AGBL1: variants seen among roughly 807,000 people sequenced by gnomAD.
AGBL1 encodes the protein cytosolic carboxypeptidase 4.
In AGBL1, 130 loss-of-function variants were observed where a neutral mutation model predicts 118.9. That is an observed-to-expected ratio of 1.09 (90% CI 0.95 to 1.26). The LOEUF is 1.26. Ranked by LOEUF, AGBL1 falls within the 50% of genes most tolerant of loss-of-function variation. AGBL1 has a pLI of 0.00. For synonymous variants in AGBL1, 555 were observed against 478.9 expected, an observed-to-expected ratio of 1.16 and a Z score of -2.08; for missense variants, 1,584 against 1,298.1, an observed-to-expected ratio of 1.22 and a Z score of -3.38.
intron 5 of AGBL1, among the ~76,000 whole-genome samples, chr15:86,216,311 A>G (rs1392200379): frequency 2.0e-5 from 3 of 152,140 alleles, no homozygotes; most frequent in South Asian, 2.1e-4. Flanking sequence ...AAGCAGAGGT[A>G]GCAGAATATG....
chr15:86,379,744 C>T (rs890526233), intron 17 of AGBL1, among the ~76,000 whole-genome samples: 3 of 152,158 alleles, frequency 2.0e-5, no homozygotes, highest in African/African-American at 7.2e-5. Flanking sequence ...CCAAGTCCAG[C>T]CTGCTCACTG....
At chr15:86,476,342 A>C (rs1485769017) in intron 18 of AGBL1, among the ~76,000 whole-genome samples, 3 of 152,184 alleles carry the variant, frequency 2.0e-5, no homozygotes, top group East Asian at 3.8e-4. Context: ...ACCCATCTCA[A>C]GTGCAGAGAC....
At chr15:86,334,407 A>G (rs907327605) in intron 17 of AGBL1, among the ~76,000 whole-genome samples, 4 of 152,136 alleles carry the variant, frequency 2.6e-5, no homozygotes, top group African/African-American at 9.7e-5. Flanking sequence ...CAAGAACACA[A>G]TCCAATTTAA....
At chr15:86,396,830 C>T (rs1370961211) in intron 17 of AGBL1, among the ~76,000 whole-genome samples, 1 of 152,120 alleles carries the variant, frequency 6.6e-6, no homozygotes, top group East Asian at 1.9e-4. Context: ...TGCCTGAGAT[C>T]CCAGAGGTAG....
intron 6 of AGBL1, among the ~76,000 whole-genome samples, chr15:86,245,487 AG>A (rs2078705459): frequency 6.6e-6 from 1 of 152,202 alleles, no homozygotes; most frequent in Non-Finnish European, 1.5e-5. Context: ...CCTAGTCCCT[AG>A]GAGCCAAGAG....
At chr15:86,756,445 A>G (rs2077941813) in intron 22 of AGBL1, among the ~76,000 whole-genome samples, 3 of 150,050 alleles carry the variant, frequency 2.0e-5, no homozygotes, top group Admixed American at 2.0e-4. Flanking sequence ...TTGGCTCCTG[A>G]CTAAGTAAGA....
chr15:86,841,955 T>C (rs890998297), intron 22 of AGBL1, among the ~76,000 whole-genome samples: 2 of 152,216 alleles, frequency 1.3e-5, no homozygotes, highest in Non-Finnish European at 2.9e-5. Flanking sequence ...TCAGACTACA[T>C]TTCTTCATCT....
At chr15:86,426,813 C>T (rs1284311454) in intron 18 of AGBL1, among the ~76,000 whole-genome samples, 1 of 152,180 alleles carries the variant, frequency 6.6e-6, no homozygotes, top group African/African-American at 2.4e-5. Flanking sequence ...GTCACCCAGG[C>T]TGGAGTGCAA....
At chr15:86,378,115 T>A (rs554456015) in intron 17 of AGBL1, among the ~76,000 whole-genome samples, 1 of 152,148 alleles carries the variant, frequency 6.6e-6, no homozygotes, top group Non-Finnish European at 1.5e-5. Context: ...TGTGTACATA[T>A]GTATGTATAA....
intron 22 of AGBL1, among the ~76,000 whole-genome samples, chr15:86,817,663 A>T (rs1035637375): frequency 3.3e-5 from 5 of 151,738 alleles, no homozygotes; most frequent in African/African-American, 1.2e-4. Context: ...ACACACACAC[A>T]CACAGAAAGA....
intron 22 of AGBL1, among the ~76,000 whole-genome samples, chr15:86,824,637 G>A (rs923794631): frequency 6.6e-6 from 1 of 151,366 alleles, no homozygotes; most frequent in Non-Finnish European, 1.5e-5. Flanking sequence ...AAACAATTTT[G>A]ACCAAAAAAT....
Position 86,964,391 on chromosome 15 carries a change from C to T in AGBL1, c.3222-23596C>T, listed in dbSNP as rs1220743923. Among the ~76,000 whole-genome samples the T allele has an allele frequency of 2.6e-5, 4 of 151,904 alleles. No homozygotes were observed. The East Asian group carries it at 7.8e-4, about 30-fold the overall frequency. ...TGCTACCCACTAGATGTCAGAAGCA[C>T]ATTACCCACCACTACCCCCACTGTG... On this transcript the variant is annotated intron_variant, in intron 23 of 24. Coordinates refer to the AGBL1 transcript ENST00000441037.
At chr15:86,949,414 G>A (rs554929901) in intron 23 of AGBL1, among the ~76,000 whole-genome samples, 203 of 152,108 alleles carry the variant, frequency 1.3e-3, no homozygotes, top group African/African-American at 4.5e-3. Flanking sequence ...CAAACTTTTG[G>A]AGCCAATTCA....
At chr15:86,595,077 T>G (rs1290693220) in intron 21 of AGBL1, among the ~76,000 whole-genome samples, 1 of 152,214 alleles carries the variant, frequency 6.6e-6, no homozygotes, top group Non-Finnish European at 1.5e-5. Flanking sequence ...TGCTATTGTT[T>G]GATGTCATTT....
intron 21 of AGBL1, among the ~76,000 whole-genome samples, chr15:86,646,766 A>G (rs1021931863): frequency 2.6e-5 from 4 of 152,180 alleles, no homozygotes; most frequent in African/African-American, 7.2e-5. Flanking sequence ...TATTTTCATC[A>G]CTAAATAACG....
At chr15:86,849,390 C>T (rs1044032027) in intron 22 of AGBL1, among the ~76,000 whole-genome samples, 15 of 152,178 alleles carry the variant, frequency 9.9e-5, no homozygotes, top group Non-Finnish European at 1.9e-4. Context: ...ACTAGAAGAC[C>T]TGCACACAAA....
chr15:86,156,780 T>TTTTC (rs1280859323), intron 4 of AGBL1, among the ~76,000 whole-genome samples: 1 of 81,502 alleles, frequency 1.2e-5, no homozygotes, highest in Non-Finnish European at 2.2e-5. Context: ...TTTTCTTTCT[T>TTTTC]TTTTCTTTTC....
At chr15:86,322,643 T>A (rs528767080) in intron 17 of AGBL1, among the ~76,000 whole-genome samples, 1 of 152,332 alleles carries the variant, frequency 6.6e-6, no homozygotes, top group East Asian at 1.9e-4. Flanking sequence ...TGGAACTGCA[T>A]CTGGGGGAAC....
chr15:86,425,614 G>A (rs2081857368), intron 18 of AGBL1, among the ~76,000 whole-genome samples: 1 of 152,152 alleles, frequency 6.6e-6, no homozygotes, highest in Non-Finnish European at 1.5e-5. Flanking sequence ...CCTGTATAGT[G>A]CAGAAAACAT....
Sources: allele counts gnomAD v4.1 joint callset (sites outside exome capture counted in the v4.1 genomes callset), GRCh38; gene constraint gnomAD v4.1.1; transcripts MANE v1.5; gene names NCBI Gene and HGNC (gene_info 2026-07-23, HGNC 2026-07-21).